The following PHB1 variants were observed in gnomAD, a reference collection of about 807,000 sequenced individuals.
The protein encoded by PHB1 is prohibitin 1.
At chr17:49,405,936 G>A in the PHB1 span, among the ~76,000 whole-genome samples, 6 of 152,186 alleles carry the variant, frequency 3.9e-5, no homozygotes, top group African/African-American at 1.4e-4. Flanking sequence ...ATATCAATAG[G>A]AAGACAGCTC....
the PHB1 span, chr17:49,406,634 C>A: frequency 2.7e-6 from 2 of 730,638 alleles, no homozygotes; most frequent in Admixed American, 2.0e-5. Context: ...TTCCTTCAAG[C>A]CCCTTCTGAT....
chr17:49,405,308 G>T, the PHB1 span: 1 of 931,804 alleles, frequency 1.1e-6, no homozygotes. Context: ...GGCTCCTGAA[G>T]GAACTCGGGG....
chr17:49,413,596 C>T, the PHB1 span, among the ~76,000 whole-genome samples: 1 of 151,040 alleles, frequency 6.6e-6, no homozygotes, highest in Non-Finnish European at 1.5e-5. Flanking sequence ...GAAGCCTCGA[C>T]CTCCCAGGCT....
the PHB1 span, among the ~76,000 whole-genome samples, chr17:49,410,404 T>C: frequency 4.6e-5 from 7 of 152,286 alleles, no homozygotes; most frequent in African/African-American, 1.7e-4. Context: ...GAGAACCCAA[T>C]AGAGCATCAT....
chr17:49,413,202 G>A, the PHB1 span: 7 of 1,612,600 alleles, frequency 4.3e-6, no homozygotes, highest in African/African-American at 1.3e-5. Context: ...AGTTCACCAC[G>A]CCTCCTGCAA....
the PHB1 span, chr17:49,406,822 T>C: frequency 3.7e-6 from 6 of 1,613,796 alleles, no homozygotes; most frequent in South Asian, 5.5e-5. Context: ...CTTCCACCGC[T>C]TCTGTGAACT....
chr17:49,413,970 T>C, the PHB1 span, among the ~76,000 whole-genome samples: 1 of 151,968 alleles, frequency 6.6e-6, no homozygotes, highest in Admixed American at 6.6e-5. Context: ...GGCTGTGAGG[T>C]TAGATTGGTG....
the PHB1 span, chr17:49,406,967 G>C: frequency 1.3e-6 from 1 of 746,738 alleles, no homozygotes; most frequent in Admixed American, 2.0e-5. Context: ...AGCAGCTGGA[G>C]GCATCCGTGA....
At chr17:49,407,341 G>C in the PHB1 span, 1 of 163,236 alleles carries the variant, frequency 6.1e-6, no homozygotes, top group Admixed American at 5.7e-5. Flanking sequence ...TCTGTTTATG[G>C]ATTAACCAGT....
the PHB1 span, chr17:49,404,671 C>T: frequency 7.5e-4 from 302 of 402,076 alleles, no homozygotes; most frequent in Non-Finnish European, 1.3e-3. Context: ...CATACTGCCC[C>T]GCCTGCGTGC....
the PHB1 span, among the ~76,000 whole-genome samples, chr17:49,405,844 TC>T: frequency 6.6e-6 from 1 of 152,164 alleles, no homozygotes. Context: ...TTTTGACTGT[TC>T]CTAGAGCTGC....
At chr17:49,405,579 T>C in the PHB1 span, among the ~76,000 whole-genome samples, 1 of 152,160 alleles carries the variant, frequency 6.6e-6, no homozygotes, top group African/African-American at 2.4e-5. Flanking sequence ...TCAAGGCTCA[T>C]CTTTTCCTCC....
chr17:49,406,977 A>G, the PHB1 span: 17 of 704,694 alleles, frequency 2.4e-5, no homozygotes, highest in Middle Eastern at 2.3e-4. Flanking sequence ...GGCATCCGTG[A>G]GGCCAGAACA....
At chr17:49,408,813 G>A in the PHB1 span, 1 of 512,516 alleles carries the variant, frequency 2.0e-6, no homozygotes, top group East Asian at 3.3e-5. Context: ...AGACTATCTG[G>A]ATACAACCAG....
At chr17:49,408,492 T>C in the PHB1 span, among the ~76,000 whole-genome samples, 11 of 152,332 alleles carry the variant, frequency 7.2e-5, no homozygotes, top group Admixed American at 3.3e-4. Context: ...ACACAAGCTA[T>C]AGTGTCTCAA....
chr17:49,414,443 C>G, the PHB1 span: 1 of 152,108 alleles, frequency 6.6e-6, no homozygotes, highest in East Asian at 1.9e-4. Flanking sequence ...CACAGTTGAC[C>G]TAACTAGAAA....
At chr17:49,413,066 C>T in the PHB1 span, 1 of 785,546 alleles carries the variant, frequency 1.3e-6, no homozygotes, top group Non-Finnish European at 2.1e-6. Flanking sequence ...CCCTCTTGGC[C>T]ACAAACACAT....
the PHB1 span, chr17:49,409,183 G>A: frequency 3.1e-6 from 5 of 1,587,976 alleles, no homozygotes; most frequent in Admixed American, 1.7e-5. Context: ...AGGAGCAGAA[G>A]GGCAGGTCAG....
chr17:49,405,743 C>T, the PHB1 span, among the ~76,000 whole-genome samples: 1 of 151,842 alleles, frequency 6.6e-6, no homozygotes, highest in Admixed American at 6.6e-5. Flanking sequence ...CCATTGCACT[C>T]CAGCCTGGGC....
Sources: allele counts gnomAD v4.1 joint callset (sites outside exome capture counted in the v4.1 genomes callset), GRCh38; gene constraint gnomAD v4.1.1; transcripts MANE v1.5; gene names NCBI Gene and HGNC (gene_info 2026-07-23, HGNC 2026-07-21).